Variants in MRPS28 observed in about 807,000 individuals in gnomAD.
The protein encoded by MRPS28 is mitochondrial ribosomal protein S28.
MRPS28 carries 7 observed loss-of-function variants against 10.8 expected under a neutral mutation model. The ratio of observed to expected loss-of-function variants is 0.65; its 90% confidence interval spans 0.37 to 1.22. The LOEUF (loss-of-function observed/expected upper bound fraction) is 1.22, where lower values mean the gene tolerates loss of function less well. Ranked by LOEUF, MRPS28 falls within the 50% of genes most tolerant of loss-of-function variation. MRPS28 has a pLI of 0.02. For missense variants in MRPS28, 265 were observed against 232.9 expected (o/e 1.14, Z -0.90); for synonymous variants, 121 against 93.3 (o/e 1.30, Z -1.71).
intron 1 of MRPS28, among the ~76,000 whole-genome samples, chr8:80,028,472 C>T (rs1338203680): frequency 2.0e-5 from 3 of 151,846 alleles, no homozygotes; most frequent in Non-Finnish European, 4.4e-5. Context: ...GAATAATGCC[C>T]CCTCCCCCTA....
At chr8:79,921,341 C>G (rs551384988) in intron 2 of MRPS28, among the ~76,000 whole-genome samples, 3,806 of 152,120 alleles carry the variant, frequency 0.025, 170 homozygotes, top group African/African-American at 0.086. Context: ...TCATTGGTAG[C>G]TTGATGGGGA....
At chr8:79,948,549 C>A (rs1257934433) in intron 2 of MRPS28, among the ~76,000 whole-genome samples, 1 of 152,084 alleles carries the variant, frequency 6.6e-6, no homozygotes, top group Non-Finnish European at 1.5e-5. Flanking sequence ...TGTCTTATTT[C>A]TGATTTTAGA....
At chr8:79,958,579 T>C in intron 2 of MRPS28, 1 of 567,792 alleles carries the variant, frequency 1.8e-6, no homozygotes, top group East Asian at 3.0e-5. Context: ...TTTTGTTGAG[T>C]TTTTCTTTAA....
At chr8:79,957,109 T>C (rs1178251807) in intron 2 of MRPS28, 1 of 152,184 alleles carries the variant, frequency 6.6e-6, no homozygotes, top group Non-Finnish European at 1.5e-5. Flanking sequence ...TGTGCCTTCG[T>C]ATAAGCTATT....
chr8:79,970,334 A>G lies in MRPS28; in HGVS notation c.395+32665T>C, dbSNP rs775484916. On this transcript the variant is annotated intron_variant, in intron 2 of 2. Coordinates refer to ENST00000276585, the MANE Select transcript of MRPS28 (RefSeq NM_014018.3). ...TCCAGGGCCCCAAGACCCCAAGAAG[A>G]ATTTTTTTAAAAATCAGTGCTCTAC... Among the ~76,000 whole-genome samples, 16 of 152,286 alleles carry G rather than the reference A, an allele frequency of 1.1e-4. No homozygotes were observed. The South Asian group carries it at 2.1e-3, about 20-fold the overall frequency.
intron 2 of MRPS28, among the ~76,000 whole-genome samples, chr8:79,941,294 T>G (rs1293453538): frequency 1.3e-5 from 2 of 152,184 alleles, no homozygotes; most frequent in Admixed American, 6.5e-5. Flanking sequence ...ATTCCAAATG[T>G]GGTATTACAA....
intron 2 of MRPS28, among the ~76,000 whole-genome samples, chr8:79,933,232 G>A (rs1302812859): frequency 6.6e-6 from 1 of 152,148 alleles, no homozygotes; most frequent in East Asian, 1.9e-4. Context: ...TCAAGGCTCG[G>A]GCCAATTCAA....
Position 79,919,127 on chromosome 8 carries a change from C to T in MRPS28, c.417G>A (p.Arg139=). 2 of 1,587,174 alleles carry T rather than the reference C, an allele frequency of 1.3e-6. No individual in the cohort carries two copies. Among genetic ancestry groups the T allele is most frequent in the Non-Finnish European group, 1.7e-6 (2 of 1,171,294 alleles). The change falls in exon 3 of 3, where the codon AGG becomes AGA. Residue 139 remains arginine (R), a synonymous_variant. Transcript: ENST00000276585. ...CAAGATCTAATAGCCGCAACCGGAC[C>T]CTGGTTCCTTTCTGGTATTTCCTAA... ...VDGEKYQKGT[R]VRLRLLDLEL...
At chr8:79,974,204 A>G (rs939660599) in intron 2 of MRPS28, among the ~76,000 whole-genome samples, 2 of 152,140 alleles carry the variant, frequency 1.3e-5, no homozygotes, top group Admixed American at 1.3e-4. Context: ...AACAGTTTAT[A>G]TCATAACTAG....
intron 1 of MRPS28, among the ~76,000 whole-genome samples, chr8:80,007,219 C>T (rs192811379): frequency 1.3e-5 from 2 of 152,262 alleles, no homozygotes; most frequent in African/African-American, 4.8e-5. Context: ...CAAAATTCAA[C>T]AACCCTTCAT....
At chr8:79,955,858 C>T (rs1316046528) in intron 2 of MRPS28, among the ~76,000 whole-genome samples, 3 of 152,140 alleles carry the variant, frequency 2.0e-5, no homozygotes, top group African/African-American at 7.2e-5. Context: ...TTTAGTACTT[C>T]TTAGTTATCA....
At chr8:79,947,029 T>C (rs930935649) in intron 2 of MRPS28, among the ~76,000 whole-genome samples, 1 of 152,162 alleles carries the variant, frequency 6.6e-6, no homozygotes, top group African/African-American at 2.4e-5. Context: ...CAGATGGTGA[T>C]TGTTTCCTTG....
intron 2 of MRPS28, among the ~76,000 whole-genome samples, chr8:79,959,244 G>C (rs1807307994): frequency 6.6e-6 from 1 of 151,994 alleles, no homozygotes; most frequent in African/African-American, 2.4e-5. Flanking sequence ...CACAGAAATA[G>C]TGCTGTATTA....
chr8:79,992,034 C>A (rs1222379791), intron 2 of MRPS28, among the ~76,000 whole-genome samples: 7 of 151,612 alleles, frequency 4.6e-5, no homozygotes, highest in Non-Finnish European at 1.0e-4. Flanking sequence ...ATTCATGTGC[C>A]AAGGAACTGA....
chr8:80,002,892 AAT>A (rs1435470822), intron 2 of MRPS28, 105 bp downstream of exon 2: 3 of 974,032 alleles, frequency 3.1e-6, no homozygotes, highest in East Asian at 2.6e-5. Context: ...AAGACAAATA[AAT>A]ATGTTTTCTG....
intron 2 of MRPS28, among the ~76,000 whole-genome samples, chr8:79,972,341 C>T (rs1482097540): frequency 6.6e-6 from 1 of 152,142 alleles, no homozygotes; most frequent in Non-Finnish European, 1.5e-5. Flanking sequence ...CTAATCCTCC[C>T]ACAGGTACTG....
intron 2 of MRPS28, among the ~76,000 whole-genome samples, chr8:79,937,491 G>T (rs1052697838): frequency 1.3e-5 from 2 of 152,200 alleles, no homozygotes; most frequent in African/African-American, 2.4e-5. Flanking sequence ...CTATAGCTTA[G>T]TGATACTGAT....
intron 1 of MRPS28, among the ~76,000 whole-genome samples, chr8:80,003,523 A>C (rs1276126853): frequency 6.6e-6 from 1 of 152,196 alleles, no homozygotes; most frequent in Non-Finnish European, 1.5e-5. Flanking sequence ...TAGGGGTTCC[A>C]AGATGGCCGA....
chr8:79,964,503 T>G (rs1199303467), intron 2 of MRPS28, among the ~76,000 whole-genome samples: 2 of 152,106 alleles, frequency 1.3e-5, no homozygotes, highest in African/African-American at 4.8e-5. Context: ...CAGAAACATC[T>G]TGGCAGAATC....
Sources: allele counts gnomAD v4.1 joint callset (sites outside exome capture counted in the v4.1 genomes callset), GRCh38; gene constraint gnomAD v4.1.1; transcripts MANE v1.5; gene names NCBI Gene and HGNC (gene_info 2026-07-23, HGNC 2026-07-21).